The following USH2A variants were observed in gnomAD, a reference collection of about 807,000 sequenced individuals.
USH2A encodes the protein usherin.
A neutral mutation model predicts 538.9 loss-of-function variants in USH2A; 443 were observed. The ratio of observed to expected loss-of-function variants is 0.82; its 90% CI spans 0.76 to 0.89. The LOEUF is 0.89. USH2A is among the 40% of genes least tolerant of loss of function. The pLI, the probability that USH2A is intolerant of heterozygous loss-of-function variation, is 0.00. For synonymous variants in USH2A, 2,413 were observed against 2,273.5 expected (o/e 1.06, Z -1.75); for missense variants, 6,633 against 6,324.8 (o/e 1.05, Z -1.65).
chr1:215,747,896 T>TTTTGAGACGCAGTCTCGCTC (rs1660521205), intron 58 of USH2A, among the ~76,000 whole-genome samples: 1 of 151,304 alleles, frequency 6.6e-6, no homozygotes. Context: ...GTTTGGTTTT[T>TTTTGAGACGCAGTCTCGCTC]TTTTTTGAGA....
At chr1:215,679,261 T>A (rs935586606) in intron 62 of USH2A, among the ~76,000 whole-genome samples, 4 of 152,200 alleles carry the variant, frequency 2.6e-5, no homozygotes, top group African/African-American at 9.6e-5. Flanking sequence ...TTATTAAAAG[T>A]AACAGCTTAG....
chr1:216,082,462 T>TAAA (rs75095481), intron 26 of USH2A, among the ~76,000 whole-genome samples: 220 of 132,598 alleles, frequency 1.7e-3, no homozygotes, highest in African/African-American at 5.7e-3. Flanking sequence ...CTAGGAATGT[T>TAAA]AAAAAAAAAA....
chr1:216,077,941 T>G, intron 27 of USH2A, 148 bp downstream of exon 27: 1 of 975,134 alleles, frequency 1.0e-6, no homozygotes, highest in Non-Finnish European at 1.6e-6. Context: ...TTCATTAGTT[T>G]TTAAGGTTTA....
chr1:216,370,829 G>T (rs1328445083), intron 3 of USH2A, among the ~76,000 whole-genome samples: 1 of 152,008 alleles, frequency 6.6e-6, no homozygotes, highest in African/African-American at 2.4e-5. Flanking sequence ...CATCCATTTA[G>T]CATCTCTTCT....
chr1:216,187,001 G>C (rs891956053), intron 20 of USH2A, among the ~76,000 whole-genome samples: 2 of 151,846 alleles, frequency 1.3e-5, no homozygotes, highest in Non-Finnish European at 2.9e-5. Flanking sequence ...TACCACCAGG[G>C]AAGTCTTCAT....
At chr1:216,174,343 A>G (rs935935587) in intron 21 of USH2A, 8 of 982,726 alleles carry the variant, frequency 8.1e-6, no homozygotes, top group Middle Eastern at 5.2e-4. Flanking sequence ...AATTGGAAAA[A>G]TGGTGTACCA....
chr1:215,759,905 C>T (rs1660930169), intron 56 of USH2A, 62 bp from the exon 57 acceptor site: 10 of 1,589,746 alleles, frequency 6.3e-6, no homozygotes, highest in Non-Finnish European at 7.8e-6. Flanking sequence ...TATCAAAAGT[C>T]ACACCATCCC....
intron 4 of USH2A, among the ~76,000 whole-genome samples, chr1:216,347,645 T>C (rs928084671): frequency 6.6e-6 from 1 of 152,162 alleles, no homozygotes; most frequent in South Asian, 2.1e-4. Flanking sequence ...AATTCTGATA[T>C]GACTTAGTGT....
intron 37 of USH2A, among the ~76,000 whole-genome samples, chr1:215,963,345 A>G (rs1233647620): frequency 6.6e-6 from 1 of 152,108 alleles, no homozygotes; most frequent in Non-Finnish European, 1.5e-5. Context: ...TGAGAGTTCC[A>G]GTGCCAGTGA....
chr1:215,770,901 T>C (rs1661260313), intron 55 of USH2A, among the ~76,000 whole-genome samples: 1 of 146,084 alleles, frequency 6.8e-6, no homozygotes, highest in South Asian at 2.2e-4. Flanking sequence ...GGTCAGGAGT[T>C]TGAGACCAAC....
At chr1:216,217,361 C>G in intron 15 of USH2A, 26 bp downstream of exon 15, 3 of 1,611,774 alleles carry the variant, frequency 1.9e-6, no homozygotes, top group Non-Finnish European at 2.5e-6. Flanking sequence ...GCTTCACACA[C>G]CAGCACTGAA....
At position 216,048,596 on chromosome 1, in the gene USH2A, G is replaced by A; in HGVS notation, c.6101C>T (p.Ala2034Val). 3 of 1,614,102 alleles carry A rather than the reference G, an allele frequency of 1.9e-6. No homozygotes were observed. The highest frequency in any genetic ancestry group is 2.5e-6 in the Non-Finnish European group (3 of 1,179,994). ...CTCAGTACAGCCAGCCAAAGTGCAA[G>A]CAGTTAGGGTTACTGCATAGTTTTT... ...PFKNYAVTLT[A>V]CTLAGCTESS... Residue 2034 changes from alanine to valine, a missense_variant, in exon 31 of 72, where the codon GCT (alanine) becomes GTT (valine). Coordinates refer to ENST00000307340, the MANE Select transcript of USH2A (RefSeq NM_206933.4).
chr1:215,954,543 A>G (rs1667014495), intron 37 of USH2A, among the ~76,000 whole-genome samples: 1 of 119,262 alleles, frequency 8.4e-6, no homozygotes, highest in Admixed American at 1.1e-4. Context: ...GAAGGGGAAC[A>G]TCACACACTG....
intron 25 of USH2A, among the ~76,000 whole-genome samples, chr1:216,084,139 C>A (rs1401724308): frequency 6.6e-6 from 1 of 152,020 alleles, no homozygotes; most frequent in South Asian, 2.1e-4. Context: ...CAGGCAGAGA[C>A]TCAATGTGCA....
chr1:216,177,442 A>T (rs2034411236), intron 20 of USH2A, among the ~76,000 whole-genome samples: 1 of 152,162 alleles, frequency 6.6e-6, no homozygotes. Flanking sequence ...AAGCAATAGC[A>T]CTCTGAATGT....
intron 11 of USH2A, among the ~76,000 whole-genome samples, chr1:216,264,811 G>A (rs781682656): frequency 6.6e-6 from 1 of 152,036 alleles, no homozygotes; most frequent in Non-Finnish European, 1.5e-5. Context: ...AACAAAGAGT[G>A]GGAAAAGGAC....
chr1:216,394,294 C>G (rs1169704272), intron 3 of USH2A, among the ~76,000 whole-genome samples: 1 of 150,028 alleles, frequency 6.7e-6, no homozygotes, highest in South Asian at 2.1e-4. Flanking sequence ...AAACATACAC[C>G]TACCATGTGG....
chr1:215,800,688 T>C (rs1662300043), intron 49 of USH2A, among the ~76,000 whole-genome samples: 1 of 152,130 alleles, frequency 6.6e-6, no homozygotes, highest in African/African-American at 2.4e-5. Flanking sequence ...CATAGATATA[T>C]AAGGAGTATA....
intron 32 of USH2A, among the ~76,000 whole-genome samples, chr1:216,003,145 G>A (rs565518603): frequency 3.0e-3 from 452 of 152,252 alleles, no homozygotes; most frequent in Middle Eastern, 0.014. Flanking sequence ...AGGATGGGAA[G>A]TGAGTATACT....
Sources: gnomAD v4.1 joint callset for allele counts (sites outside exome capture counted in the v4.1 genomes callset) on GRCh38, gnomAD v4.1.1 for gene constraint, MANE v1.5 for transcripts, NCBI Gene and HGNC (gene_info 2026-07-23, HGNC 2026-07-21) for gene names.